Variants in KCNAB1 observed in about 807,000 individuals in gnomAD.
KCNAB1 encodes the protein voltage-gated potassium channel subunit beta-1.
In KCNAB1, 35 loss-of-function variants were observed where a neutral mutation model predicts 64.6. That is an observed-to-expected ratio of 0.54 (90% CI 0.41 to 0.72). The LOEUF (loss-of-function observed/expected upper bound fraction) is 0.72, where lower values mean the gene tolerates loss of function less well. Ranked by LOEUF, KCNAB1 falls within the 30% of genes least tolerant of loss-of-function variation. The pLI, the probability that KCNAB1 is intolerant of heterozygous loss-of-function variation, is 0.00. For synonymous variants in KCNAB1, 177 were observed against 183.8 expected (o/e 0.96, Z 0.30); for missense variants, 401 against 512.9 (o/e 0.78, Z 2.11).
At chr3:156,354,029 ATGTGTGTGTGTATATATATGTGTGTG>A (rs532968078) in intron 1 of KCNAB1, among the ~76,000 whole-genome samples, 1,631 of 139,662 alleles carry the variant, frequency 0.012, 18 homozygotes, top group Non-Finnish European at 0.017. Context: ...TATTGTCATA[ATGTGTGTGTGTATATATATGTGTGTG>A]TGTGTGTGTG....
intron 1 of KCNAB1, among the ~76,000 whole-genome samples, chr3:156,282,345 T>A: frequency 6.9e-6 from 1 of 145,490 alleles, no homozygotes; most frequent in Non-Finnish European, 1.5e-5. Flanking sequence ...TTGTTATAAT[T>A]TCTGTTCTTT....
chr3:156,193,399 C>A (rs1038155793), intron 1 of KCNAB1, among the ~76,000 whole-genome samples: 3 of 152,080 alleles, frequency 2.0e-5, no homozygotes, highest in Non-Finnish European at 2.9e-5. Context: ...TACAATAGGT[C>A]TTGTGTTAGA....
intron 1 of KCNAB1, among the ~76,000 whole-genome samples, chr3:156,163,558 C>T (rs1716202268): frequency 6.6e-6 from 1 of 152,136 alleles, no homozygotes; most frequent in Non-Finnish European, 1.5e-5. Flanking sequence ...GATGTCAGGG[C>T]GTACCTCACC....
At chr3:156,211,717 C>T (rs1332720895) in intron 1 of KCNAB1, among the ~76,000 whole-genome samples, 3 of 152,212 alleles carry the variant, frequency 2.0e-5, no homozygotes, top group Admixed American at 6.5e-5. Flanking sequence ...TACTTTGACA[C>T]TTCTCATAAT....
chr3:156,375,042 TGTTTG>T (rs1289856790), intron 1 of KCNAB1, among the ~76,000 whole-genome samples: 2 of 135,752 alleles, frequency 1.5e-5, no homozygotes, highest in African/African-American at 6.6e-5. Context: ...GCACTGACAT[TGTTTG>T]GTTTGGTTTT....
chr3:156,414,478 G>A (rs951605853), intron 1 of KCNAB1, among the ~76,000 whole-genome samples: 8 of 152,158 alleles, frequency 5.3e-5, no homozygotes, highest in African/African-American at 1.2e-4. Flanking sequence ...AATGGTGAGC[G>A]TAAATGATTT....
intron 1 of KCNAB1, among the ~76,000 whole-genome samples, chr3:156,414,094 T>G (rs1714882933): frequency 6.6e-6 from 1 of 152,246 alleles, no homozygotes; most frequent in Non-Finnish European, 1.5e-5. Context: ...TCTGCTACAT[T>G]GCTGACTTTG....
At chr3:156,195,386 A>G (rs890682283) in intron 1 of KCNAB1, among the ~76,000 whole-genome samples, 6 of 152,188 alleles carry the variant, frequency 3.9e-5, no homozygotes, top group Admixed American at 2.6e-4. Flanking sequence ...GGTTGAACTA[A>G]CTTACACTCC....
intron 1 of KCNAB1, among the ~76,000 whole-genome samples, chr3:156,293,386 G>C (rs767905521): frequency 6.6e-6 from 1 of 152,092 alleles, no homozygotes; most frequent in Non-Finnish European, 1.5e-5. Flanking sequence ...CCAGGTTTTA[G>C]TTTAGGATGA....
intron 1 of KCNAB1, among the ~76,000 whole-genome samples, chr3:156,191,060 G>A (rs1016472470): frequency 1.3e-5 from 2 of 152,218 alleles, no homozygotes; most frequent in Non-Finnish European, 2.9e-5. Flanking sequence ...AGGAGCAGAG[G>A]CTCATAATTT....
chr3:156,499,495 A>G (rs1397851502), intron 8 of KCNAB1, among the ~76,000 whole-genome samples: 1 of 152,148 alleles, frequency 6.6e-6, no homozygotes, highest in Non-Finnish European at 1.5e-5. Context: ...TCATCTTTCC[A>G]TGAAATTTTT....
In KCNAB1 at chr3:156,508,256, C is replaced by T. The variant is rs1334310918; in HGVS notation, c.659-6108C>T. On this transcript the variant is annotated intron_variant, in intron 8 of 13. Coordinates refer to ENST00000490337, the MANE Select transcript of KCNAB1 (RefSeq NM_172160.3). The surrounding 1 kb of genome is among the most constrained non-coding windows in gnomAD (Gnocchi z 4.1). The stretch of plus-strand genomic sequence containing the variant: ...TATCTTTTTTATCTTTTGCTTTTAT[C>T]TCTGTGGCCAGATTAATTTGAGTAC... Among the ~76,000 whole-genome samples, 1 of 152,064 alleles carries T rather than the reference C, an allele frequency of 6.6e-6. No homozygotes were observed. Among genetic ancestry groups the T allele is most frequent in the African/African-American group, 2.4e-5 (1 of 41,390 alleles).
chr3:156,187,728 G>A (rs567628625), intron 1 of KCNAB1, among the ~76,000 whole-genome samples: 2 of 152,258 alleles, frequency 1.3e-5, no homozygotes, highest in Non-Finnish European at 2.9e-5. Flanking sequence ...TCTTATTTCA[G>A]TTTTGCCTCA....
At chr3:156,440,198 T>C (rs1040002401) in intron 2 of KCNAB1, among the ~76,000 whole-genome samples, 1 of 152,248 alleles carries the variant, frequency 6.6e-6, no homozygotes, top group South Asian at 2.1e-4. Context: ...TCAAGAAGGC[T>C]TGCCTTGTGT....
At chr3:156,193,476 T>C (rs935627004) in intron 1 of KCNAB1, among the ~76,000 whole-genome samples, 1 of 152,170 alleles carries the variant, frequency 6.6e-6, no homozygotes, top group African/African-American at 2.4e-5. Flanking sequence ...TATTAGTCTG[T>C]TTTCACACTG....
chr3:156,472,936 G>A (rs1411353408), intron 7 of KCNAB1, among the ~76,000 whole-genome samples: 1 of 152,206 alleles, frequency 6.6e-6, no homozygotes, highest in Admixed American at 6.5e-5. Context: ...TGCTGTAACA[G>A]TGCCAAGTTA....
intron 1 of KCNAB1, among the ~76,000 whole-genome samples, chr3:156,243,482 C>T (rs1295124536): frequency 6.6e-6 from 1 of 152,236 alleles, no homozygotes; most frequent in Non-Finnish European, 1.5e-5. Flanking sequence ...CTTGCCTTGG[C>T]CTCCCAAAGT....
chr3:156,219,023 G>A (rs1341993950), intron 1 of KCNAB1, among the ~76,000 whole-genome samples: 2 of 151,404 alleles, frequency 1.3e-5, no homozygotes, highest in African/African-American at 4.9e-5. Context: ...CAGAAAAACA[G>A]TTCTGGTAAT....
intron 8 of KCNAB1, among the ~76,000 whole-genome samples, chr3:156,510,879 A>G (rs938483789): frequency 1.3e-5 from 2 of 152,040 alleles, no homozygotes; most frequent in Admixed American, 6.5e-5. Flanking sequence ...GCTGCCGGCT[A>G]CCCAGCATCC....
Sources: allele counts gnomAD v4.1 joint callset (sites outside exome capture counted in the v4.1 genomes callset), GRCh38; gene constraint gnomAD v4.1.1; non-coding constraint Gnocchi (gnomAD v3.1); transcripts MANE v1.5; gene names NCBI Gene and HGNC (gene_info 2026-07-23, HGNC 2026-07-21).